C11orf65: variants seen among roughly 807,000 people sequenced by gnomAD.
The protein encoded by C11orf65 is protein MFI.
A neutral mutation model predicts 35.3 loss-of-function variants in C11orf65; 38 were observed. The observed-to-expected ratio is 1.08, with a 90% CI of 0.83 to 1.41. The LOEUF is 1.41. C11orf65 is among the 40% of genes most tolerant of loss of function. The pLI is 0.00. For missense variants in C11orf65, 370 were observed against 367.1 expected (o/e 1.01, Z -0.06); for synonymous variants, 105 against 114.4 (o/e 0.92, Z 0.53).
At chr11:108,446,611 C>T (rs1481428346) in intron 2 of C11orf65, among the ~76,000 whole-genome samples, 10 of 152,036 alleles carry the variant, frequency 6.6e-5, no homozygotes, top group African/African-American at 2.2e-4. Context: ...CAGGCCTGCC[C>T]TAAAAGAGCT....
chr11:108,370,334 C>A (rs1423156824), intron 2 of C11orf65, among the ~76,000 whole-genome samples: 2 of 151,572 alleles, frequency 1.3e-5, no homozygotes, highest in Non-Finnish European at 2.9e-5. Flanking sequence ...TATCTGGATT[C>A]TTTTGGATTT....
chr11:108,451,114 C>G (rs577370661), intron 2 of C11orf65, among the ~76,000 whole-genome samples: 2 of 152,082 alleles, frequency 1.3e-5, no homozygotes, highest in African/African-American at 4.8e-5. Flanking sequence ...GGGATGCCCT[C>G]TCTCACCACT....
intron 6 of C11orf65, chr11:108,310,008 A>G (rs2136005474): frequency 2.8e-6 from 2 of 719,224 alleles, no homozygotes; most frequent in East Asian, 2.8e-5. Context: ...TTATCTTATA[A>G]TGTTTATAGG....
chr11:108,452,823 T>A (rs1476492506), intron 2 of C11orf65, among the ~76,000 whole-genome samples: 2 of 151,714 alleles, frequency 1.3e-5, no homozygotes, highest in African/African-American at 4.8e-5. Flanking sequence ...TGCAGCCATA[T>A]AAAAGGATGA....
At chr11:108,433,264 T>C (rs1221357097) in intron 2 of C11orf65, among the ~76,000 whole-genome samples, 8 of 140,520 alleles carry the variant, frequency 5.7e-5, no homozygotes, top group Admixed American at 2.2e-4. Flanking sequence ...TCTCTCTCTA[T>C]ATATATATAG....
At position 108,432,393 on chromosome 11, in the gene C11orf65, A is replaced by G. The variant is rs1303112701; in HGVS notation, c.82-555T>C. 2.6e-5 allele frequency among the ~76,000 whole-genome samples: 4 copies of G among 152,224 alleles called. No homozygotes were observed. The East Asian group carries it at 5.8e-4, about 22-fold the overall frequency. On this transcript the variant is annotated intron_variant, in intron 2 of 8. Coordinates refer to ENST00000393084, the MANE Select transcript of C11orf65 (RefSeq NM_152587.5). ...TCAATAAATATTAGCCATTGTTACC[A>G]TTGCAGAATCCTCCTTATTCCTATA...
chr11:108,339,620 C>T (rs1436888833), intron 2 of C11orf65, among the ~76,000 whole-genome samples: 1 of 152,052 alleles, frequency 6.6e-6, no homozygotes, highest in Non-Finnish European at 1.5e-5. Flanking sequence ...TTTTGAAATT[C>T]AAATTCAGCT....
chr11:108,320,346 A>G (rs2085112829), intron 6 of C11orf65, among the ~76,000 whole-genome samples: 1 of 152,170 alleles, frequency 6.6e-6, no homozygotes, highest in South Asian at 2.1e-4. Context: ...CTCTTTTGGT[A>G]ATTGTATGGC....
chr11:108,425,966 T>C (rs780374601), intron 3 of C11orf65, among the ~76,000 whole-genome samples: 17 of 152,088 alleles, frequency 1.1e-4, no homozygotes, highest in Non-Finnish European at 2.2e-4. Flanking sequence ...GCTAAAAACT[T>C]TCAATAAACT....
downstream of C11orf65, chr11:108,331,077 C>A (rs1034257613): frequency 1.8e-5 from 14 of 771,042 alleles, no homozygotes; most frequent in Admixed American, 3.1e-4. Context: ...TACTTTTGGC[C>A]TATGGGGAAA....
intron 5 of C11orf65, 87 bp downstream of exon 5, chr11:108,406,676 T>A: frequency 1.1e-6 from 1 of 907,490 alleles, no homozygotes; most frequent in Non-Finnish European, 1.5e-6. Context: ...TTTATTATTT[T>A]AAAAAATAAT....
intron 2 of C11orf65, among the ~76,000 whole-genome samples, chr11:108,369,615 G>A (rs1009035088): frequency 2.6e-5 from 4 of 152,090 alleles, no homozygotes; most frequent in Non-Finnish European, 4.4e-5. Context: ...TGGTAAGTAA[G>A]GAGATCTCAT....
At chr11:108,327,148 T>C (rs1326504534), downstream of C11orf65, among the ~76,000 whole-genome samples, 1 of 152,150 alleles carries the variant, frequency 6.6e-6, no homozygotes, top group East Asian at 1.9e-4. Context: ...TTTTTGATGT[T>C]GGGCACTCAT....
In C11orf65 at chr11:108,447,426, A is replaced by C. The variant is rs182313695; in HGVS notation, c.81+14053T>G. Among the ~76,000 whole-genome samples, 660 of 151,916 alleles carry C rather than the reference A, an allele frequency of 4.3e-3. 4 individuals carry two copies. Among genetic ancestry groups the C allele is most frequent in the African/African-American group, 0.015 (613 of 41,284 alleles). On this transcript the variant is annotated intron_variant, in intron 2 of 8. Transcript: ENST00000393084. ...AAATGTAAAAGAACAGAAATTATAA[A>C]AAACTGTCTCTCAGACCACAGTGAC...
At chr11:108,345,072 G>T (rs2088146246) in intron 2 of C11orf65, among the ~76,000 whole-genome samples, 1 of 152,158 alleles carries the variant, frequency 6.6e-6, no homozygotes, top group African/African-American at 2.4e-5. Flanking sequence ...TGGGGCAGCT[G>T]GGTAGATGGT....
intron 2 of C11orf65, among the ~76,000 whole-genome samples, chr11:108,439,798 CTG>C (rs1286357051): frequency 6.6e-6 from 1 of 151,972 alleles, no homozygotes; most frequent in East Asian, 1.9e-4. Context: ...ATAGAGATAA[CTG>C]GGGTCTGGTG....
intron 2 of C11orf65, among the ~76,000 whole-genome samples, chr11:108,349,407 G>A (rs2088895974): frequency 6.6e-6 from 1 of 152,202 alleles, no homozygotes; most frequent in African/African-American, 2.4e-5. Flanking sequence ...GATCACACCT[G>A]TAATCCCAAC....
intron 7 of C11orf65, among the ~76,000 whole-genome samples, chr11:108,390,088 A>G (rs1485103201): frequency 6.6e-6 from 1 of 151,484 alleles, no homozygotes; most frequent in East Asian, 1.9e-4. Flanking sequence ...CAGTGGCGCG[A>G]TGTCAGCTCA....
chr11:108,459,770 C>CACACACACACACACACACACA (rs3221698), intron 2 of C11orf65, among the ~76,000 whole-genome samples: 4 of 140,502 alleles, frequency 2.8e-5, no homozygotes, highest in East Asian at 2.1e-4. Context: ...CACACACACA[C>CACACACACACACACACACACA]CTCTTTATTT....
Sources: gnomAD v4.1 joint callset for allele counts (sites outside exome capture counted in the v4.1 genomes callset) on GRCh38, gnomAD v4.1.1 for gene constraint, MANE v1.5 for transcripts, NCBI Gene and HGNC (gene_info 2026-07-23, HGNC 2026-07-21) for gene names.